Variants in SMIM5 observed in about 807,000 individuals in gnomAD.
SMIM5 encodes the protein chromosome 17 open reading frame 109.
A neutral mutation model predicts 4.0 loss-of-function variants in SMIM5; 4 were observed. The ratio of observed to expected loss-of-function variants is 1.01; its 90% CI spans 0.50 to 2.30. The LOEUF (loss-of-function observed/expected upper bound fraction) is 2.30. Ranked by LOEUF, SMIM5 falls within the 30% of genes most tolerant of loss-of-function variation. The probability of loss-of-function intolerance (pLI) is 0.02; values close to 1 mark genes in which losing one functional copy is unlikely to be tolerated. For missense variants in SMIM5, 107 were observed against 99.2 expected (o/e 1.08, Z -0.34); for synonymous variants, 46 against 43.6 (o/e 1.05, Z -0.22).
chr17:75,633,758 ACAGGCTCAGGTGGAGCCTCCC>A lies in SMIM5; in HGVS notation c.-476_-456del. On this transcript the variant is annotated 5_prime_UTR_variant, in exon 1 of 3. Transcript: ENST00000375215. Reference sequence around the variant, plus strand: ...TGAGAGCGCTGCAGGACTCCCCTCCACAGGCTCAGGTGGAGCCTCCCCAGGGTCCTCCTGGCCAGGAAGGCA... The same window carrying A: ...TGAGAGCGCTGCAGGACTCCCCTCCACAGGGTCCTCCTGGCCAGGAAGGCA... 9.6e-7 allele frequency: 1 copy of A among 1,036,980 alleles called. No individual in the cohort carries two copies. Among genetic ancestry groups the A allele is most frequent in the Non-Finnish European group, 1.2e-6 (1 of 858,232 alleles). The allele number at this position is 1,036,980 out of a possible 1,614,324, so 64.2% of individuals were successfully genotyped here.
In SMIM5 at chr17:75,633,497, C is replaced by T. The variant is rs1044288638; in HGVS notation, c.-742C>T. 1.8e-5 allele frequency: 23 copies of T among 1,288,820 alleles called. No individual in the cohort carries two copies. Among genetic ancestry groups the T allele is most frequent in the Non-Finnish European group, 2.2e-5 (22 of 988,558 alleles). 79.8% of individuals were successfully genotyped at this position (1,288,820 alleles called of 1,614,324 possible). A position where few individuals can be genotyped will look rare whatever the true frequency, so the allele number is the denominator to read the frequency against. On this transcript the variant is annotated 5_prime_UTR_variant, in exon 1 of 3. Transcript: ENST00000375215. ...TGAGGCGCCTTGCCGGGCGCGCAGG[C>T]CACTCCCAGGTCACTCAGGATTCCA...
rs2059265971 is a variant in SMIM5, at chr17:75,633,761, G to T, written c.-478G>T. The T allele has an allele frequency of 9.7e-7, 1 of 1,026,860 alleles. No homozygotes were observed. Among genetic ancestry groups the T allele is most frequent in the Admixed American group, 5.4e-5 (1 of 18,392 alleles). The allele number at this position is 1,026,860 out of a possible 1,614,324, so 63.6% of individuals were successfully genotyped here. A position where few individuals can be genotyped will look rare whatever the true frequency, so the allele number is the denominator to read the frequency against. ...GAGCGCTGCAGGACTCCCCTCCACA[G>T]GCTCAGGTGGAGCCTCCCCAGGGTC... On this transcript the variant is annotated 5_prime_UTR_variant, in exon 1 of 3. The change creates a new upstream start codon in the 5' untranslated region. Coordinates refer to ENST00000375215, the MANE Select transcript of SMIM5 (RefSeq NM_001162995.3).
chr17:75,635,813 C>CA, intron 1 of SMIM5: 1 of 985,482 alleles, frequency 1.0e-6, no homozygotes, highest in Non-Finnish European at 1.2e-6. Flanking sequence ...CCTCGCTTAT[C>CA]AGTCTCAAAC....
At chr17:75,634,617 G>C (rs1598999198) in intron 1 of SMIM5, among the ~76,000 whole-genome samples, 1 of 152,330 alleles carries the variant, frequency 6.6e-6, no homozygotes, top group Middle Eastern at 3.4e-3. Context: ...GGTCAGCGCA[G>C]GGTCTGCCCA....
In SMIM5 at chr17:75,640,570, GC is replaced by G. The variant is rs2059417924; in HGVS notation, c.128-219del. On this transcript the variant is annotated intron_variant, in intron 2 of 2. Coordinates refer to ENST00000375215, the MANE Select transcript of SMIM5 (RefSeq NM_001162995.3). The surrounding 1 kb of genome is among the most constrained non-coding windows in gnomAD (Gnocchi z 4.6). ...GATCCCAAACGCGGGGATGACGGGAGCCAGGCTTGGGCAGTGAAAGAGAAGA... is the reference window on the plus strand; with the variant it reads ...GATCCCAAACGCGGGGATGACGGGAGCAGGCTTGGGCAGTGAAAGAGAAGA... 6.6e-6 allele frequency among the ~76,000 whole-genome samples: 1 copy of G among 152,184 alleles called. No individual in the cohort carries two copies. Among genetic ancestry groups the G allele is most frequent in the Non-Finnish European group, 1.5e-5 (1 of 68,024 alleles).
At position 75,641,116 on chromosome 17, in the gene SMIM5, C is replaced by A; in HGVS notation, c.*219C>A. 1 of 759,108 alleles carries A rather than the reference C, an allele frequency of 1.3e-6. No homozygotes were observed. Among genetic ancestry groups the A allele is most frequent in the Non-Finnish European group, 2.0e-6 (1 of 501,282 alleles). 47.0% of individuals were successfully genotyped at this position (759,108 alleles called of 1,614,324 possible). The stretch of plus-strand genomic sequence containing the variant: ...CTCATCTGCCAGTGGACACTGGGTG[C>A]TGGGGAGTCAGCTGTTTCAAAGACT... On this transcript the variant is annotated 3_prime_UTR_variant, in exon 3 of 3. Transcript: ENST00000375215.
rs1487122516 is a variant in SMIM5, at chr17:75,634,137, G to A, written c.-102G>A. The A allele has an allele frequency of 4.1e-6, 4 of 985,410 alleles. No homozygotes were observed. Among genetic ancestry groups the A allele is most frequent in the Admixed American group, 6.1e-5 (1 of 16,266 alleles). 61.0% of individuals were successfully genotyped at this position (985,410 alleles called of 1,614,324 possible). A position where few individuals can be genotyped will look rare whatever the true frequency, so the allele number is the denominator to read the frequency against. On this transcript the variant is annotated 5_prime_UTR_variant, in exon 1 of 3. Coordinates refer to ENST00000375215, the MANE Select transcript of SMIM5 (RefSeq NM_001162995.3). ...GCAGCGGCGCCCACGAAGGAAGTAC[G>A]AGGACAGCACGTGGAGGCTCCGCGC...
rs180971077 is a variant in SMIM5, at chr17:75,633,913, C to A, written c.-326C>A. 6.9e-4 allele frequency: 679 copies of A among 987,812 alleles called. No individual in the cohort carries two copies. Among genetic ancestry groups the A allele is most frequent in the Admixed American group, 1.3e-3 (22 of 16,656 alleles). 61.2% of individuals were successfully genotyped at this position (987,812 alleles called of 1,614,324 possible). A position where few individuals can be genotyped will look rare whatever the true frequency, so the allele number is the denominator to read the frequency against. On this transcript the variant is annotated 5_prime_UTR_variant, in exon 1 of 3. Coordinates refer to ENST00000375215, the MANE Select transcript of SMIM5 (RefSeq NM_001162995.3). ...GGAGGAGAGAGGGAGCTTGTCTTGTCCCTGAGCAGCGCTCTCAGGGCAGAG... is the reference window on the plus strand; with the variant it reads ...GGAGGAGAGAGGGAGCTTGTCTTGTACCTGAGCAGCGCTCTCAGGGCAGAG...
intron 1 of SMIM5, chr17:75,637,998 G>A (rs951031156): frequency 4.6e-5 from 7 of 152,270 alleles, no homozygotes; most frequent in African/African-American, 1.7e-4. Flanking sequence ...ATGATCTATA[G>A]CATTCTAGGA....
rs957160871 is a variant in SMIM5 at position 75,640,852 on chromosome 17, T to A, written c.189T>A (p.Pro63=). 12 of 1,548,890 alleles carry A rather than the reference T, an allele frequency of 7.7e-6. No individual in the cohort carries two copies. The African/African-American group carries it at 1.1e-4, about 14-fold the overall frequency. The change falls in exon 3 of 3, where the codon CCT becomes CCA. Residue 63 remains proline (P), a synonymous_variant. Transcript: ENST00000375215. The surrounding 1 kb of genome is among the most constrained non-coding windows in gnomAD (Gnocchi z 4.6). The part of the protein sequence containing the change: ...CSCCCTHCCC[P]ERRGRKVQVQ... The stretch of plus-strand genomic sequence containing the variant: ...GCTGCTGCACTCACTGCTGCTGCCC[T>A]GAGCGGAGAGGCAGGAAGGTCCAGG...
At chr17:75,635,745 C>A (rs747510218) in intron 1 of SMIM5, 1 of 976,922 alleles carries the variant, frequency 1.0e-6, no homozygotes, top group African/African-American at 1.8e-5. Context: ...TAAAACCCAC[C>A]ATGACGAAAC....
Position 75,633,471 on chromosome 17 carries a change from A to G in SMIM5, c.-768A>G. The stretch of plus-strand genomic sequence containing the variant: ...AGAAGGCCCTCACCTCACAAGGAAC[A>G]TGAGGCGCCTTGCCGGGCGCGCAGG... On this transcript the variant is annotated 5_prime_UTR_variant, in exon 1 of 3. It removes an upstream start codon present in the reference 5' UTR. Transcript: ENST00000375215. The G allele has an allele frequency of 1.6e-6, 2 of 1,289,094 alleles. No homozygotes were observed. Among genetic ancestry groups the G allele is most frequent in the South Asian group, 1.2e-5 (1 of 81,018 alleles). The allele number at this position is 1,289,094 out of a possible 1,614,324, so 79.9% of individuals were successfully genotyped here. A position where few individuals can be genotyped will look rare whatever the true frequency, so the allele number is the denominator to read the frequency against.
Position 75,636,508 on chromosome 17 carries a change from A to C in SMIM5, c.-37+2306A>C, listed in dbSNP as rs914714631. 1.3e-5 allele frequency: 2 copies of C among 152,202 alleles called. No homozygotes were observed. Among genetic ancestry groups the C allele is most frequent in the African/African-American group, 4.8e-5 (2 of 41,434 alleles). 9.4% of individuals were successfully genotyped at this position (152,202 alleles called of 1,614,324 possible). A position where few individuals can be genotyped will look rare whatever the true frequency, so the allele number is the denominator to read the frequency against. On this transcript the variant is annotated intron_variant, in intron 1 of 2. Transcript: ENST00000375215. The surrounding 1 kb of genome is among the most constrained non-coding windows in gnomAD (Gnocchi z 5.4). ...CATGTTCCCCTCGCCACAGCTGGGA[A>C]CACTAAGGTTCCCTTAGGAGCAGCG... is the stretch of plus-strand genomic sequence containing the variant.
At chr17:75,638,915 A>T (rs2059378824) in intron 1 of SMIM5, 1 of 152,292 alleles carries the variant, frequency 6.6e-6, no homozygotes, top group South Asian at 2.1e-4. Flanking sequence ...TACGAGGCAG[A>T]AGAGGGGGCA....
In SMIM5 at chr17:75,640,906, C is replaced by T. The variant is rs1332241396; in HGVS notation, c.*9C>T. ...AGCCGACACCACCATGACGGACGGG[C>T]GATGGCTGAGGAGAAGCTGGAGAGG... On this transcript the variant is annotated 3_prime_UTR_variant, in exon 3 of 3. Coordinates refer to ENST00000375215, the MANE Select transcript of SMIM5 (RefSeq NM_001162995.3). This position sits in a 1 kb window ranked among gnomAD's most constrained non-coding sequence, Gnocchi z 4.6. 2.1e-5 allele frequency: 33 copies of T among 1,541,768 alleles called. No homozygotes were observed. Among genetic ancestry groups the T allele is most frequent in the Admixed American group, 1.8e-4 (9 of 50,986 alleles).
Position 75,633,980 on chromosome 17 carries a change from C to G in SMIM5, c.-259C>G. 3 of 985,552 alleles carry G rather than the reference C, an allele frequency of 3.0e-6. No individual in the cohort carries two copies. In the South Asian group the frequency reaches 1.4e-4, roughly 46 times the overall value. 61.1% of individuals were successfully genotyped at this position (985,552 alleles called of 1,614,324 possible). Reference sequence around the variant, plus strand: ...TGAAGTTGGAGGACAAGTTCCCAAGCAGGGCTTCCTCGGGCTCCCCCTCGC... The same window carrying G: ...TGAAGTTGGAGGACAAGTTCCCAAGGAGGGCTTCCTCGGGCTCCCCCTCGC... On this transcript the variant is annotated 5_prime_UTR_variant, in exon 1 of 3. Transcript: ENST00000375215.
chr17:75,635,081 C>A (rs2059293674), intron 1 of SMIM5, among the ~76,000 whole-genome samples: 4 of 152,338 alleles, frequency 2.6e-5, no homozygotes, highest in South Asian at 2.1e-4. Context: ...CACCACCCCC[C>A]ATATGTTTTC....
At position 75,636,059 on chromosome 17, in the gene SMIM5, C is replaced by T. The variant is rs1435361500; in HGVS notation, c.-37+1857C>T. ...TCCCCTGTGCTGACCGCTACTGCAG[C>T]CAGGGCACACCCTCTGAAGGCTCCA... On this transcript the variant is annotated intron_variant, in intron 1 of 2. Transcript: ENST00000375215. The surrounding 1 kb of genome is among the most constrained non-coding windows in gnomAD (Gnocchi z 5.4). 6.6e-6 allele frequency among the ~76,000 whole-genome samples: 1 copy of T among 152,240 alleles called. No homozygotes were observed. The highest frequency in any genetic ancestry group is 2.4e-5 in the African/African-American group (1 of 41,456).
At chr17:75,638,708 A>T (rs1284150768) in intron 1 of SMIM5, 1 of 152,236 alleles carries the variant, frequency 6.6e-6, no homozygotes, top group African/African-American at 2.4e-5. Context: ...GTGCTGCTAG[A>T]TGGTCAGTCC....
Sources: allele counts gnomAD v4.1 joint callset (sites outside exome capture counted in the v4.1 genomes callset), GRCh38; gene constraint gnomAD v4.1.1; non-coding constraint Gnocchi (gnomAD v3.1); transcripts MANE v1.5; gene names NCBI Gene and HGNC (gene_info 2026-07-23, HGNC 2026-07-21).